The following VEPH1 variants were observed in gnomAD, a reference collection of about 807,000 sequenced individuals.
The protein encoded by VEPH1 is ventricular zone-expressed PH domain-containing protein homolog 1.
In VEPH1, 80 loss-of-function variants were observed where a neutral mutation model predicts 85.2. The ratio of observed to expected loss-of-function variants is 0.94; its 90% CI spans 0.78 to 1.13. The LOEUF is 1.13. Ranked by LOEUF, VEPH1 falls within the 50% of genes most tolerant of loss-of-function variation. VEPH1 has a pLI of 0.00. For synonymous variants in VEPH1, 297 were observed against 348.0 expected (o/e 0.85, Z 1.63); for missense variants, 955 against 980.5 (o/e 0.97, Z 0.35).
intron 6 of VEPH1, among the ~76,000 whole-genome samples, chr3:157,384,201 T>C (rs1026880853): frequency 1.3e-5 from 2 of 152,180 alleles, no homozygotes; most frequent in Admixed American, 6.5e-5. Flanking sequence ...CAATGGTAAA[T>C]AGTGTACTTA....
chr3:157,341,557 C>G (rs1254238679), intron 9 of VEPH1, among the ~76,000 whole-genome samples: 1 of 152,012 alleles, frequency 6.6e-6, no homozygotes, highest in African/African-American at 2.4e-5. Flanking sequence ...GATTGGTGTA[C>G]CTGAAAGTGA....
intron 2 of VEPH1, among the ~76,000 whole-genome samples, chr3:157,470,826 T>C (rs577528438): frequency 6.6e-6 from 1 of 152,318 alleles, no homozygotes; most frequent in Admixed American, 6.5e-5. Context: ...CTTTAGACTA[T>C]TTCAGTTTCT....
chr3:157,313,492 G>C, intron 11 of VEPH1, 129 bp downstream of exon 11: 1 of 1,123,986 alleles, frequency 8.9e-7, no homozygotes, highest in Non-Finnish European at 1.2e-6. Flanking sequence ...TCTTACAAGT[G>C]TTTTATGATA....
At chr3:157,486,428 G>A (rs1245160940) in intron 2 of VEPH1, among the ~76,000 whole-genome samples, 7 of 150,986 alleles carry the variant, frequency 4.6e-5, no homozygotes, top group African/African-American at 1.5e-4. Context: ...CCCAGGAGGC[G>A]GAGGTTGCAG....
intron 2 of VEPH1, chr3:157,488,932 C>T (rs1360837330): frequency 4.1e-6 from 1 of 245,330 alleles, no homozygotes; most frequent in Non-Finnish European, 8.5e-6. Flanking sequence ...CTCTCTCTCT[C>T]TCTCTCTCTC....
chr3:157,290,771 G>T (rs1370545211), intron 11 of VEPH1, among the ~76,000 whole-genome samples: 1 of 152,184 alleles, frequency 6.6e-6, no homozygotes, highest in Non-Finnish European at 1.5e-5. Context: ...GGAAAAAATA[G>T]TATTTTTAAA....
chr3:157,302,312 G>A (rs1303895073), intron 11 of VEPH1, among the ~76,000 whole-genome samples: 1 of 152,120 alleles, frequency 6.6e-6, no homozygotes, highest in Non-Finnish European at 1.5e-5. Flanking sequence ...ACAGCAGACT[G>A]AGCAATCTTT....
chr3:157,352,199 G>A (rs1386124822), intron 9 of VEPH1, among the ~76,000 whole-genome samples: 1 of 152,126 alleles, frequency 6.6e-6, no homozygotes, highest in Non-Finnish European at 1.5e-5. Flanking sequence ...CCACTAGGGT[G>A]CTCAGAAGTA....
chr3:157,403,381 G>A (rs1414361177), intron 6 of VEPH1, among the ~76,000 whole-genome samples: 2 of 152,266 alleles, frequency 1.3e-5, no homozygotes, highest in Admixed American at 6.5e-5. Flanking sequence ...GGGATGGAGT[G>A]AGGAATTCTA....
At chr3:157,464,974 T>G (rs1736228522) in intron 3 of VEPH1, among the ~76,000 whole-genome samples, 1 of 152,236 alleles carries the variant, frequency 6.6e-6, no homozygotes, top group African/African-American at 2.4e-5. Flanking sequence ...CATAGCTATA[T>G]GTAAAATCTA....
intron 9 of VEPH1, among the ~76,000 whole-genome samples, chr3:157,343,676 A>T (rs1254749189): frequency 1.3e-5 from 2 of 152,226 alleles, no homozygotes; most frequent in Non-Finnish European, 2.9e-5. Context: ...AACTCATTTT[A>T]TGAGGCCAGC....
chr3:157,492,913 G>C (rs1739344530), intron 2 of VEPH1, among the ~76,000 whole-genome samples: 1 of 152,150 alleles, frequency 6.6e-6, no homozygotes, highest in African/African-American at 2.4e-5. Flanking sequence ...CAATGATAGA[G>C]AGGGAGGAAG....
chr3:157,439,197 C>T (rs986426897), intron 4 of VEPH1, among the ~76,000 whole-genome samples: 4 of 152,078 alleles, frequency 2.6e-5, no homozygotes, highest in Non-Finnish European at 4.4e-5. Flanking sequence ...TCTTGTGTTT[C>T]GCAAACCACG....
chr3:157,277,804 AAAG>A (rs1715589674), intron 12 of VEPH1, among the ~76,000 whole-genome samples: 1 of 152,230 alleles, frequency 6.6e-6, no homozygotes, highest in Admixed American at 6.5e-5. Context: ...GTACTTATGA[AAAG>A]AACTTATTTA....
intron 6 of VEPH1, among the ~76,000 whole-genome samples, chr3:157,393,885 GT>G (rs34237932): frequency 6.6e-6 from 1 of 152,142 alleles, no homozygotes; most frequent in East Asian, 1.9e-4. Flanking sequence ...GTTACCTCCG[GT>G]TTTGTTGTTT....
chr3:157,313,736 AG>A lies in VEPH1; in HGVS notation c.1894del (p.Leu632CysfsTer30). The A allele has an allele frequency of 6.2e-7, 1 of 1,614,182 alleles. No homozygotes were observed. Among genetic ancestry groups the A allele is most frequent in the Non-Finnish European group, 8.5e-7 (1 of 1,180,020 alleles). ...LFQQSLFPEP[L>X]SIQSHSVQFL... ...TTGCACAGAATGACTCTGAATGGACAGGGGTTCAGGAAACAGGCTCTGAAAG... is the reference window on the plus strand; with the variant it reads ...TTGCACAGAATGACTCTGAATGGACAGGGTTCAGGAAACAGGCTCTGAAAG... On this transcript the variant is annotated frameshift_variant, in exon 11 of 14. Transcript: ENST00000362010. LOFTEE classifies it high-confidence loss of function.
chr3:157,437,144 G>A, intron 4 of VEPH1: 2 of 1,531,784 alleles, frequency 1.3e-6, no homozygotes, highest in Non-Finnish European at 1.8e-6. Flanking sequence ...TATACTTTGT[G>A]GCCAGTGAGA....
intron 9 of VEPH1, among the ~76,000 whole-genome samples, chr3:157,336,747 G>C (rs1346146645): frequency 1.3e-5 from 2 of 152,166 alleles, no homozygotes; most frequent in African/African-American, 4.8e-5. Flanking sequence ...AGCAAGGGTT[G>C]ATAAACTACT....
At position 157,381,233 on chromosome 3, in the gene VEPH1, G is replaced by A; in HGVS notation, c.1050C>T (p.Phe350=). The change falls in exon 7 of 14, where the codon TTC becomes TTT. Residue 350 remains phenylalanine, a synonymous_variant. Transcript: ENST00000362010. ...TGGCGGTGAAGCTGTTGCTCATGCG[G>A]AAGATGTCTCTGCTCTGAGGGCCCA... The part of the protein sequence containing the change: ...SILGPQSRDI[F]RMSNSFTAIA... 6.2e-7 allele frequency: 1 copy of A among 1,614,076 alleles called. No individual in the cohort carries two copies. Among genetic ancestry groups the A allele is most frequent in the Non-Finnish European group, 8.5e-7 (1 of 1,179,992 alleles).
Sources: allele counts gnomAD v4.1 joint callset (sites outside exome capture counted in the v4.1 genomes callset), GRCh38; gene constraint gnomAD v4.1.1; transcripts MANE v1.5; gene names NCBI Gene and HGNC (gene_info 2026-07-23, HGNC 2026-07-21).